Variants in MPHOSPH6 observed in about 807,000 individuals in gnomAD.
The protein encoded by MPHOSPH6 is M-phase phosphoprotein 6.
A neutral mutation model predicts 21.8 loss-of-function variants in MPHOSPH6; 25 were observed. That is an observed-to-expected ratio of 1.15 (90% CI 0.83 to 1.60). MPHOSPH6 has a LOEUF of 1.60. Among genes scored for constraint, MPHOSPH6 ranks in the 40% most tolerant of loss-of-function variants. MPHOSPH6 has a pLI of 0.00. For synonymous variants in MPHOSPH6, 84 were observed against 56.5 expected (o/e 1.49, Z -2.18); for missense variants, 269 against 181.8 (o/e 1.48, Z -2.76).
At chr16:82,150,922 G>C (rs760419597) in intron 3 of MPHOSPH6, among the ~76,000 whole-genome samples, 3 of 152,154 alleles carry the variant, frequency 2.0e-5, no homozygotes, top group African/African-American at 4.8e-5. Flanking sequence ...CTCTATCCTG[G>C]AGCAGGAAAA....
At chr16:82,150,548 G>A (rs895220140) in intron 3 of MPHOSPH6, among the ~76,000 whole-genome samples, 7 of 152,320 alleles carry the variant, frequency 4.6e-5, no homozygotes, top group African/African-American at 1.4e-4. Context: ...GGCTCCTAGA[G>A]AAGTGGTTCT....
intron 2 of MPHOSPH6, among the ~76,000 whole-genome samples, chr16:82,154,617 C>CA (rs137931634): frequency 0.064 from 9,526 of 149,670 alleles, 551 homozygotes; most frequent in African/African-American, 0.15. Context: ...ATAGAGACTG[C>CA]AAAAAAACAC....
chr16:82,169,528 G>C (rs1291300134), intron 1 of MPHOSPH6, among the ~76,000 whole-genome samples: 1 of 152,118 alleles, frequency 6.6e-6, no homozygotes, highest in Admixed American at 6.5e-5. Context: ...TTTTAGACTT[G>C]CATCTCCACA....
At chr16:82,167,800 C>T (rs4889478) in intron 1 of MPHOSPH6, among the ~76,000 whole-genome samples, 21,921 of 152,138 alleles carry the variant, frequency 0.14, 2,297 homozygotes, top group Admixed American at 0.34. Context: ...GATGAAGTTT[C>T]GCTCGCTTGC....
intron 2 of MPHOSPH6, among the ~76,000 whole-genome samples, chr16:82,154,146 A>C (rs1906354680): frequency 6.6e-6 from 1 of 152,224 alleles, no homozygotes; most frequent in South Asian, 2.1e-4. Context: ...TTTACCCTGC[A>C]ATTGCATGTT....
At chr16:82,162,642 C>A (rs1424986429) in intron 2 of MPHOSPH6, among the ~76,000 whole-genome samples, 1 of 152,136 alleles carries the variant, frequency 6.6e-6, no homozygotes, top group Non-Finnish European at 1.5e-5. Flanking sequence ...ACTACACATG[C>A]TAGGAGGTGC....
chr16:82,149,361 C>G lies in MPHOSPH6; in HGVS notation c.298G>C (p.Val100Leu), dbSNP rs748886740. The stretch of plus-strand genomic sequence containing the variant: ...TCAAGCTCTACTGTTTCATCTTCAA[C>G]TTCTTCTGCTTTGTGCTTAGCATTC... The part of the protein sequence containing the change: ...QMNAKHKAEE[V>L]EDETVELDVS... The change falls in exon 4 of 5, where the codon GTT becomes CTT. Residue 100 changes from valine (V) to leucine (L), a missense_variant. Transcript: ENST00000258169. 13 of 1,613,068 alleles carry G rather than the reference C, an allele frequency of 8.1e-6. No homozygotes were observed. The highest frequency in any genetic ancestry group is 1.1e-5 in the Non-Finnish European group (13 of 1,180,020).
chr16:82,155,170 C>G (rs76334198), intron 2 of MPHOSPH6, among the ~76,000 whole-genome samples: 21,460 of 152,116 alleles, frequency 0.14, 2,229 homozygotes, highest in East Asian at 0.34. Flanking sequence ...CAGCAAACTA[C>G]GAAAATAAAG....
chr16:82,167,739 G>A (rs973881861), intron 1 of MPHOSPH6: 1 of 152,344 alleles, frequency 6.6e-6, no homozygotes, highest in African/African-American at 2.4e-5. Flanking sequence ...GATCTGACAG[G>A]AGGCGGAGCT....
At chr16:82,162,572 C>T (rs1906640304) in intron 2 of MPHOSPH6, among the ~76,000 whole-genome samples, 1 of 152,166 alleles carries the variant, frequency 6.6e-6, no homozygotes, top group African/African-American at 2.4e-5. Flanking sequence ...TCTGCAGATT[C>T]GGTAGCAGCT....
At chr16:82,164,307 C>T in intron 1 of MPHOSPH6, 113 bp from the exon 2 acceptor site, 1 of 703,664 alleles carries the variant, frequency 1.4e-6, no homozygotes, top group African/African-American at 1.8e-5. Context: ...TGGAACCCAT[C>T]TCAAGATTGA....
chr16:82,162,540 G>T (rs545878826), intron 2 of MPHOSPH6, among the ~76,000 whole-genome samples: 3 of 152,274 alleles, frequency 2.0e-5, no homozygotes, highest in East Asian at 3.9e-4. Context: ...GCTCCTGTAA[G>T]GTGCTCTCTC....
chr16:82,155,387 A>G (rs945361874), intron 2 of MPHOSPH6, among the ~76,000 whole-genome samples: 4 of 152,206 alleles, frequency 2.6e-5, no homozygotes, highest in African/African-American at 4.8e-5. Context: ...TGCAGATGAC[A>G]TAATTATGCA....
At chr16:82,148,995 C>G in intron 4 of MPHOSPH6, 132 bp from the exon 5 acceptor site, 1 of 1,198,306 alleles carries the variant, frequency 8.3e-7, no homozygotes, top group East Asian at 2.4e-5. Flanking sequence ...AAGAAACCAT[C>G]TGATTTAACA....
intron 2 of MPHOSPH6, among the ~76,000 whole-genome samples, chr16:82,158,229 C>T (rs1432243401): frequency 6.6e-6 from 1 of 151,892 alleles, no homozygotes; most frequent in Admixed American, 6.6e-5. Context: ...TGGCTCACAC[C>T]TGTAATCCCA....
At chr16:82,163,852 C>A in intron 2 of MPHOSPH6, 1 of 424,168 alleles carries the variant, frequency 2.4e-6, no homozygotes, top group Non-Finnish European at 4.1e-6. Flanking sequence ...TAGGTTCCTT[C>A]ATTCAATGTA....
intron 1 of MPHOSPH6, among the ~76,000 whole-genome samples, chr16:82,168,348 A>C (rs781362361): frequency 6.6e-5 from 10 of 152,198 alleles, no homozygotes; most frequent in Middle Eastern, 3.2e-3. Context: ...AATATGCATG[A>C]AAGTGCTTGA....
In MPHOSPH6 at chr16:82,165,786, C is replaced by G. The variant is rs192200562; in HGVS notation, c.52-1592G>C. 2.9e-3 allele frequency among the ~76,000 whole-genome samples: 88 copies of G among 30,816 alleles called. 1 individual carries two copies. The Admixed American group carries it at 0.046, about 16-fold the overall frequency. The allele number at this position is 30,816 out of a possible 152,430, so 20.2% of individuals were successfully genotyped here. ...TAAGTGTGTGGTAGGCTATACCATC[C>G]AGGTTTGCGTAGATGAACCCTATGA... On this transcript the variant is annotated intron_variant, in intron 1 of 4. Coordinates refer to ENST00000258169, the MANE Select transcript of MPHOSPH6 (RefSeq NM_005792.2).
chr16:82,158,354 C>A (rs796601745), intron 2 of MPHOSPH6, among the ~76,000 whole-genome samples: 11 of 149,994 alleles, frequency 7.3e-5, no homozygotes, highest in African/African-American at 2.5e-4. Context: ...AAAAAATTGG[C>A]TGGGCATAGC....
Sources: gnomAD v4.1 joint callset for allele counts (sites outside exome capture counted in the v4.1 genomes callset) on GRCh38, gnomAD v4.1.1 for gene constraint, MANE v1.5 for transcripts, NCBI Gene and HGNC (gene_info 2026-07-23, HGNC 2026-07-21) for gene names.